The following RPS6KC1 variants were observed in gnomAD, a reference collection of about 807,000 sequenced individuals.
The protein encoded by RPS6KC1 is ribosomal protein S6 kinase C1.
In RPS6KC1, 54 loss-of-function variants were observed where a neutral mutation model predicts 103.8. That is an observed-to-expected ratio of 0.52 (90% confidence interval 0.42 to 0.65). The LOEUF is 0.65. Ranked by LOEUF, RPS6KC1 falls within the 30% of genes least tolerant of loss-of-function variation. The pLI is 0.00. For missense variants in RPS6KC1, 1,151 were observed against 1,253.8 expected, an observed-to-expected ratio of 0.92 and a Z score of 1.24; for synonymous variants, 439 against 438.7, an observed-to-expected ratio of 1.00 and a Z score of -0.01.
At chr1:213,415,531 G>A in the RPS6KC1 span, among the ~76,000 whole-genome samples, 1 of 152,216 alleles carries the variant, frequency 6.6e-6, no homozygotes, top group South Asian at 2.1e-4. Flanking sequence ...AGAAACTGAA[G>A]GAACCATCCC....
chr1:213,333,692 T>C, the RPS6KC1 span, among the ~76,000 whole-genome samples: 2 of 152,172 alleles, frequency 1.3e-5, no homozygotes, highest in Non-Finnish European at 2.9e-5. Flanking sequence ...GGAATCTCGC[T>C]GTGTCACCCA....
chr1:213,474,344 G>A, the RPS6KC1 span, among the ~76,000 whole-genome samples: 1 of 151,244 alleles, frequency 6.6e-6, no homozygotes, highest in Non-Finnish European at 1.5e-5. Flanking sequence ...CTAAGTCCTG[G>A]TTTCTGAGGG....
chr1:213,698,177 G>T, the RPS6KC1 span, among the ~76,000 whole-genome samples: 1 of 152,136 alleles, frequency 6.6e-6, no homozygotes, highest in African/African-American at 2.4e-5. Context: ...GTACATTGAG[G>T]ACTATCTGTA....
chr1:213,470,317 T>G, the RPS6KC1 span, among the ~76,000 whole-genome samples: 6 of 152,336 alleles, frequency 3.9e-5, no homozygotes, highest in Non-Finnish European at 7.4e-5. Flanking sequence ...GCTTTCCACA[T>G]TCTTAATTTT....
chr1:213,309,680 T>G, the RPS6KC1 span, among the ~76,000 whole-genome samples: 1 of 152,150 alleles, frequency 6.6e-6, no homozygotes, highest in Admixed American at 6.5e-5. Context: ...TCCTCTTCTC[T>G]TAGTTATTTG....
intron 14 of RPS6KC1, among the ~76,000 whole-genome samples, chr1:213,267,465 A>G (rs1441516614): frequency 6.6e-6 from 1 of 152,032 alleles, no homozygotes; most frequent in Non-Finnish European, 1.5e-5. Flanking sequence ...TTGCTAAAAT[A>G]TACTATCTAA....
At chr1:213,671,290 A>G in the RPS6KC1 span, among the ~76,000 whole-genome samples, 2 of 152,126 alleles carry the variant, frequency 1.3e-5, no homozygotes, top group Admixed American at 6.5e-5. Context: ...CAAATACCAC[A>G]TGATCTCACA....
the RPS6KC1 span, among the ~76,000 whole-genome samples, chr1:213,827,145 G>T: frequency 6.6e-6 from 1 of 152,152 alleles, no homozygotes; most frequent in East Asian, 1.9e-4. Flanking sequence ...AAGCCTGAAT[G>T]CAGAGAGCCG....
the RPS6KC1 span, among the ~76,000 whole-genome samples, chr1:213,327,012 A>C: frequency 1.3e-5 from 2 of 148,434 alleles, no homozygotes; most frequent in African/African-American, 2.5e-5. Context: ...GCCTCTCCCA[A>C]CTTTTGTTCT....
the RPS6KC1 span, among the ~76,000 whole-genome samples, chr1:213,410,992 G>A: frequency 6.6e-6 from 1 of 152,102 alleles, no homozygotes; most frequent in African/African-American, 2.4e-5. Context: ...GCAACGAAGG[G>A]TTGTCCTTAC....
the RPS6KC1 span, among the ~76,000 whole-genome samples, chr1:213,710,337 C>T: frequency 6.6e-6 from 1 of 151,992 alleles, no homozygotes; most frequent in Non-Finnish European, 1.5e-5. Flanking sequence ...AGGATTGCAG[C>T]CCCTGCTTTT....
chr1:213,775,544 A>G, the RPS6KC1 span, among the ~76,000 whole-genome samples: 1 of 152,222 alleles, frequency 6.6e-6, no homozygotes, highest in Admixed American at 6.5e-5. Context: ...ATAAAAATGT[A>G]ATACCTTAAT....
At chr1:213,616,673 T>C in the RPS6KC1 span, among the ~76,000 whole-genome samples, 1 of 152,100 alleles carries the variant, frequency 6.6e-6, no homozygotes, top group East Asian at 1.9e-4. Flanking sequence ...AGAGGCTTAA[T>C]AGCTACGTAA....
At chr1:213,099,792 A>G (rs1397433543) in intron 3 of RPS6KC1, among the ~76,000 whole-genome samples, 1 of 152,100 alleles carries the variant, frequency 6.6e-6, no homozygotes, top group Non-Finnish European at 1.5e-5. Flanking sequence ...TGTTTTTGGG[A>G]TTCATCCATA....
chr1:213,447,796 A>C, the RPS6KC1 span, among the ~76,000 whole-genome samples: 1 of 152,254 alleles, frequency 6.6e-6, no homozygotes, highest in African/African-American at 2.4e-5. Flanking sequence ...TAGAAATTAA[A>C]AGTTAGCATT....
At chr1:213,278,002 G>A (rs958665260), downstream of RPS6KC1, among the ~76,000 whole-genome samples, 3 of 152,050 alleles carry the variant, frequency 2.0e-5, no homozygotes, top group Non-Finnish European at 4.4e-5. Context: ...CCAGGAGTTC[G>A]AGGCCAGCCT....
the RPS6KC1 span, among the ~76,000 whole-genome samples, chr1:213,853,939 C>T: frequency 1.2e-4 from 19 of 152,282 alleles, no homozygotes; most frequent in South Asian, 1.0e-3. Context: ...AATATAACAC[C>T]AGCATTGAGA....
intron 14 of RPS6KC1, among the ~76,000 whole-genome samples, chr1:213,270,058 T>C (rs1419653889): frequency 6.6e-6 from 1 of 152,078 alleles, no homozygotes; most frequent in Non-Finnish European, 1.5e-5. Flanking sequence ...CTTTAGCTGG[T>C]TCCAAACTGT....
At chr1:213,700,708 T>C in the RPS6KC1 span, among the ~76,000 whole-genome samples, 1 of 152,136 alleles carries the variant, frequency 6.6e-6, no homozygotes, top group Middle Eastern at 3.4e-3. Flanking sequence ...CTTTCCAGTT[T>C]TTGGTACCCT....
Sources: gnomAD v4.1 joint callset for allele counts (sites outside exome capture counted in the v4.1 genomes callset) on GRCh38, gnomAD v4.1.1 for gene constraint, MANE v1.5 for transcripts, NCBI Gene and HGNC (gene_info 2026-07-23, HGNC 2026-07-21) for gene names.